C9orf153: variants seen among roughly 807,000 people sequenced by gnomAD.
The protein encoded by C9orf153 is chromosome 9 open reading frame 153.
A neutral mutation model predicts 9.0 loss-of-function variants in C9orf153; 10 were observed. The ratio of observed to expected loss-of-function variants is 1.11; its 90% CI spans 0.69 to 1.89. The LOEUF is 1.89. C9orf153 is among the 40% of genes most tolerant of loss of function. The pLI, the probability that C9orf153 is intolerant of heterozygous loss-of-function variation, is 0.00. For missense variants in C9orf153, 108 were observed against 111.0 expected (o/e 0.97, Z 0.12); for synonymous variants, 35 against 37.3 (o/e 0.94, Z 0.23).
chr9:86,251,298 A>G (rs920959350), intron 1 of C9orf153, among the ~76,000 whole-genome samples: 5 of 152,226 alleles, frequency 3.3e-5, no homozygotes, highest in Admixed American at 2.6e-4. Flanking sequence ...TAGATCTGTT[A>G]GTAAATATGT....
chr9:86,228,764 G>C (rs1415564509), intron 2 of C9orf153: 1 of 154,256 alleles, frequency 6.5e-6, no homozygotes, highest in Non-Finnish European at 1.5e-5. Context: ...CCAATGCAGA[G>C]TTTTCCTTCA....
chr9:86,227,801 C>T (rs969857848), intron 3 of C9orf153, 54 bp downstream of exon 3: 114 of 1,558,114 alleles, frequency 7.3e-5, no homozygotes, highest in Admixed American at 1.3e-4. Context: ...CAGTAAGCTG[C>T]GGTAGAGGAG....
chr9:86,246,297 C>T (rs904766909), intron 1 of C9orf153, among the ~76,000 whole-genome samples: 2 of 152,148 alleles, frequency 1.3e-5, no homozygotes, highest in South Asian at 2.1e-4. Flanking sequence ...GACACTCAAT[C>T]GCATGCCATT....
intron 2 of C9orf153, chr9:86,228,824 C>A (rs577875616): frequency 5.0e-5 from 9 of 181,290 alleles, no homozygotes; most frequent in Middle Eastern, 1.2e-3. Context: ...TGAGCTAACG[C>A]GTGGGAAAGT....
chr9:86,250,537 G>A lies in C9orf153; in HGVS notation c.-27+9013C>T, dbSNP rs147097627. Among the ~76,000 whole-genome samples the A allele has an allele frequency of 7.7e-4, 117 of 152,280 alleles. No homozygotes were observed. In the East Asian group the frequency reaches 0.014, roughly 18 times the overall value. On this transcript the variant is annotated intron_variant, in intron 1 of 3. Coordinates refer to ENST00000339137, the MANE Select transcript of C9orf153 (RefSeq NM_001276366.4). The stretch of plus-strand genomic sequence containing the variant: ...AAAGCTGTTTGGCCAATAGCTCATT[G>A]TATTTTTCTCTAAGAACATACATGA...
Position 86,221,686 on chromosome 9 carries a change from C to T in C9orf153, c.*2G>A, listed in dbSNP as rs1194711898. 1 of 1,549,834 alleles carries T rather than the reference C, an allele frequency of 6.5e-7. No homozygotes were observed. ...GTAGTGCGCCTCCACTTCGCAAGCC[C>T]CTTAAAATATCTCCATTCCAGATCC... On this transcript the variant is annotated 3_prime_UTR_variant, in exon 4 of 4. Transcript: ENST00000339137.
At chr9:86,239,243 G>C (rs752344259) in intron 1 of C9orf153, among the ~76,000 whole-genome samples, 18 of 148,824 alleles carry the variant, frequency 1.2e-4, no homozygotes, top group Admixed American at 3.3e-4. Context: ...CCTGGCGACA[G>C]AGTGAGACTC....
chr9:86,240,165 A>C (rs1824698998), intron 1 of C9orf153, among the ~76,000 whole-genome samples: 1 of 152,176 alleles, frequency 6.6e-6, no homozygotes, highest in Non-Finnish European at 1.5e-5. Context: ...ACACATGTAC[A>C]ATTATAATCC....
At chr9:86,252,752 G>A (rs1227893626) in intron 1 of C9orf153, among the ~76,000 whole-genome samples, 1 of 152,138 alleles carries the variant, frequency 6.6e-6, no homozygotes, top group Non-Finnish European at 1.5e-5. Context: ...ATATGTGTTG[G>A]TAAGTACTCT....
intron 1 of C9orf153, among the ~76,000 whole-genome samples, chr9:86,231,248 T>C (rs142977024): frequency 2.7e-4 from 41 of 152,270 alleles, no homozygotes; most frequent in Middle Eastern, 3.4e-3. Context: ...AAAGAGTAAA[T>C]TATTATTGTT....
At chr9:86,237,932 T>G (rs1824636916) in intron 1 of C9orf153, among the ~76,000 whole-genome samples, 1 of 151,802 alleles carries the variant, frequency 6.6e-6, no homozygotes. Flanking sequence ...CGTAAAAAAA[T>G]TAGCCAGGTG....
rs376940137 is a variant in C9orf153 at position 86,253,150 on chromosome 9, C to T, written c.-27+6400G>A. Among the ~76,000 whole-genome samples, 24 of 152,130 alleles carry T rather than the reference C, an allele frequency of 1.6e-4. No homozygotes were observed. The East Asian group carries it at 4.1e-3, about 26-fold the overall frequency. ...TATTTGCAAAAATTCAATAAGAACC[C>T]GTTTTCTTTTGTAATGGACATAATT... On this transcript the variant is annotated intron_variant, in intron 1 of 3. Coordinates refer to ENST00000339137, the MANE Select transcript of C9orf153 (RefSeq NM_001276366.4).
intron 1 of C9orf153, among the ~76,000 whole-genome samples, chr9:86,259,274 A>G (rs566464885): frequency 6.6e-6 from 1 of 152,124 alleles, no homozygotes; most frequent in Admixed American, 6.6e-5. Flanking sequence ...GAGCAGAGCT[A>G]TCAGTGTTGA....
chr9:86,238,026 A>C (rs1824640061), intron 1 of C9orf153, among the ~76,000 whole-genome samples: 1 of 152,310 alleles, frequency 6.6e-6, no homozygotes, highest in Middle Eastern at 3.4e-3. Context: ...CAGAGGTTGC[A>C]GTGAGTGGAG....
intron 1 of C9orf153, among the ~76,000 whole-genome samples, chr9:86,232,319 G>C (rs146446861): frequency 1.2e-3 from 179 of 152,284 alleles, no homozygotes; most frequent in African/African-American, 4.2e-3. Context: ...AGGTTGACTT[G>C]ACTAGCAAAC....
chr9:86,229,497 G>T lies in C9orf153; in HGVS notation c.66+41C>A, dbSNP rs573827408. Reference sequence around the variant, plus strand: ...AATGTTTATGATTCTTGAATGTAAAGCTCCCTGTGTACACCTCGTTGTACA... The same window carrying T: ...AATGTTTATGATTCTTGAATGTAAATCTCCCTGTGTACACCTCGTTGTACA... On this transcript the variant is annotated intron_variant, in intron 2 of 3. Coordinates refer to ENST00000339137, the MANE Select transcript of C9orf153 (RefSeq NM_001276366.4). The T allele has an allele frequency of 3.7e-5, 49 of 1,339,140 alleles. No homozygotes were observed. In the South Asian group the frequency reaches 5.6e-4, roughly 15 times the overall value. The allele number at this position is 1,339,140 out of a possible 1,614,324, so 83.0% of individuals were successfully genotyped here.
chr9:86,248,844 C>T (rs569872112), intron 1 of C9orf153, among the ~76,000 whole-genome samples: 8 of 152,286 alleles, frequency 5.3e-5, no homozygotes, highest in Non-Finnish European at 8.8e-5. Flanking sequence ...CCCACCTTCC[C>T]CATCACCCCA....
chr9:86,239,871 C>A (rs541628697), intron 1 of C9orf153, among the ~76,000 whole-genome samples: 1 of 152,252 alleles, frequency 6.6e-6, no homozygotes, highest in East Asian at 1.9e-4. Flanking sequence ...GAAGGGCCTT[C>A]CTGGTATGTA....
chr9:86,231,878 T>G (rs1178907489), intron 1 of C9orf153, among the ~76,000 whole-genome samples: 3 of 152,186 alleles, frequency 2.0e-5, no homozygotes, highest in Non-Finnish European at 4.4e-5. Context: ...TGTCTTCCAG[T>G]CAATCATTGC....
Sources: allele counts gnomAD v4.1 joint callset (sites outside exome capture counted in the v4.1 genomes callset), GRCh38; gene constraint gnomAD v4.1.1; transcripts MANE v1.5; gene names NCBI Gene and HGNC (gene_info 2026-07-23, HGNC 2026-07-21).